The following IL5RA variants were observed in gnomAD, a reference collection of about 807,000 sequenced individuals.
IL5RA encodes the protein interleukin-5 receptor subunit alpha.
In IL5RA, 49 loss-of-function variants were observed where a neutral mutation model predicts 50.0. The ratio of observed to expected loss-of-function variants is 0.98; its 90% CI spans 0.78 to 1.24. IL5RA has a LOEUF of 1.24. IL5RA is among the 50% of genes most tolerant of loss of function. IL5RA has a pLI of 0.00. For synonymous variants in IL5RA, 202 were observed against 174.0 expected (o/e 1.16, Z -1.26); for missense variants, 600 against 500.4 (o/e 1.20, Z -1.90).
intron 9 of IL5RA, among the ~76,000 whole-genome samples, chr3:3,089,090 G>A (rs975083927): frequency 6.6e-6 from 1 of 152,126 alleles, no homozygotes; most frequent in Non-Finnish European, 1.5e-5. Flanking sequence ...AACCTAGGGA[G>A]GAGGGGAGGG....
intron 9 of IL5RA, chr3:3,090,125 AT>A: frequency 7.4e-7 from 1 of 1,359,670 alleles, no homozygotes. Flanking sequence ...AAGATTATGT[AT>A]TTAGCATAGT....
intron 5 of IL5RA, among the ~76,000 whole-genome samples, chr3:3,099,576 C>G (rs1703540313): frequency 6.6e-6 from 1 of 151,952 alleles, no homozygotes; most frequent in South Asian, 2.1e-4. Context: ...CTGCAATGAA[C>G]CAAGATCATA....
intron 10 of IL5RA, among the ~76,000 whole-genome samples, chr3:3,076,157 C>T (rs558469845): frequency 6.6e-6 from 1 of 152,198 alleles, no homozygotes; most frequent in South Asian, 2.1e-4. Flanking sequence ...TGATTTTAGC[C>T]TCCCTGAGCT....
In IL5RA at chr3:3,067,710, A is replaced by T. The variant is rs1181985964; in HGVS notation, c.*2515T>A. On this transcript the variant is annotated 3_prime_UTR_variant, in exon 12 of 12. Transcript: ENST00000446632. The stretch of plus-strand genomic sequence containing the variant: ...AGTTCCCAATCCACCAAGGAGGCCA[A>T]TGGGCTACTTTGTGTTGCTCCTGAA... The T allele has an allele frequency of 6.6e-6, 1 of 152,316 alleles. No homozygotes were observed. The highest frequency in any genetic ancestry group is 1.5e-5 in the Non-Finnish European group (1 of 68,124). 9.4% of individuals were successfully genotyped at this position (152,316 alleles called of 1,614,324 possible).
chr3:3,104,950 A>G lies in IL5RA; in HGVS notation c.35T>C (p.Leu12Ser), dbSNP rs1190586339. 1.2e-6 allele frequency: 2 copies of G among 1,613,046 alleles called. No individual in the cohort carries two copies. Among genetic ancestry groups the G allele is most frequent in the Non-Finnish European group, 1.7e-6 (2 of 1,179,126 alleles). Residue 12 changes from leucine (L) to serine (S), a missense_variant, in exon 3 of 12, where the codon TTG (leucine) becomes TCG (serine). Coordinates refer to ENST00000446632, the MANE Select transcript of IL5RA (RefSeq NM_175726.4). ...AGCTTGCAGTATCTCAGTGGCCCCC[A>G]AAAGGATGAGTAATACATGCGCCAC... is the stretch of plus-strand genomic sequence containing the variant. ...IIVAHVLLILLGATEILQADL... is the reference protein window; with the variant it reads ...IIVAHVLLILSGATEILQADL...
intron 9 of IL5RA, among the ~76,000 whole-genome samples, chr3:3,080,004 C>G (rs1312052230): frequency 6.6e-6 from 1 of 151,998 alleles, no homozygotes. Flanking sequence ...TGCACTCCAG[C>G]CTGGGCTACA....
intron 5 of IL5RA, among the ~76,000 whole-genome samples, chr3:3,099,134 T>C (rs1703509599): frequency 6.6e-6 from 1 of 152,224 alleles, no homozygotes; most frequent in Non-Finnish European, 1.5e-5. Context: ...CACTGCAAGA[T>C]TGCAGACTTT....
In IL5RA at chr3:3,066,362, CAT is replaced by C. The variant is rs1466350614; in HGVS notation, c.*3861_*3862del. On this transcript the variant is annotated 3_prime_UTR_variant, in exon 12 of 12. Transcript: ENST00000446632. ...ATGTTTAATATTTCTCATTCTGAAA[CAT>C]ATTTATATTCACATCTATTACCTAC... The C allele has an allele frequency of 6.6e-6, 1 of 152,168 alleles. No homozygotes were observed. The highest frequency in any genetic ancestry group is 3.4e-3 in the Middle Eastern group (1 of 294). 9.4% of individuals were successfully genotyped at this position (152,168 alleles called of 1,614,324 possible).
At chr3:3,103,280 C>CA (rs1703742411) in intron 3 of IL5RA, among the ~76,000 whole-genome samples, 1 of 152,162 alleles carries the variant, frequency 6.6e-6, no homozygotes. Context: ...GAAATATGAA[C>CA]ATGTTACTAT....
intron 5 of IL5RA, among the ~76,000 whole-genome samples, chr3:3,101,052 G>C (rs1182731290): frequency 1.3e-5 from 2 of 151,256 alleles, no homozygotes; most frequent in East Asian, 1.9e-4. Context: ...GGAGGCGCAT[G>C]CCTATAATCC....
At position 3,104,947 on chromosome 3, in the gene IL5RA, C is replaced by T. The variant is rs1703836591; in HGVS notation, c.38G>A (p.Gly13Glu). Residue 13 changes from glycine to glutamate, a missense_variant, in exon 3 of 12, where the codon GGG (glycine) becomes GAG (glutamate). Transcript: ENST00000446632. The stretch of plus-strand genomic sequence containing the variant: ...GTCAGCTTGCAGTATCTCAGTGGCC[C>T]CCAAAAGGATGAGTAATACATGCGC... Reference protein sequence around the residue: ...IVAHVLLILLGATEILQADLL... With the variant: ...IVAHVLLILLEATEILQADLL... 2 of 1,612,734 alleles carry T rather than the reference C, an allele frequency of 1.2e-6. No individual in the cohort carries two copies. The highest frequency in any genetic ancestry group is 8.5e-7 in the Non-Finnish European group (1 of 1,179,158).
At chr3:3,070,575 CTTTTTTTTTT>C (rs71058670) in intron 11 of IL5RA, among the ~76,000 whole-genome samples, 2 of 84,902 alleles carry the variant, frequency 2.4e-5, no homozygotes, top group Admixed American at 1.4e-4. Flanking sequence ...GGATACACAT[CTTTTTTTTTT>C]TTTTTTTTTT....
chr3:3,096,493 G>C (rs1308623962), intron 7 of IL5RA, among the ~76,000 whole-genome samples: 1 of 152,020 alleles, frequency 6.6e-6, no homozygotes, highest in African/African-American at 2.4e-5. Flanking sequence ...GGATCCACTG[G>C]CTTCAGAGCC....
Position 3,104,910 on chromosome 3 carries a change from A to C in IL5RA, c.75T>G (p.Asp25Glu), listed in dbSNP as rs761519287. ...TGAATAGAAGGTCCTTACTCTTTTCATCAGGAAGTAAGTCAGCTTGCAGTA... is the reference window on the plus strand; with the variant it reads ...TGAATAGAAGGTCCTTACTCTTTTCCTCAGGAAGTAAGTCAGCTTGCAGTA... ...TEILQADLLP[D>E]EKISLLPPVN... The change falls in exon 3 of 12, where the codon GAT becomes GAG. Residue 25 changes from aspartate (D) to glutamate (E), a missense_variant. Asp to Glu is a conservative substitution (Grantham distance 45). Transcript: ENST00000446632. The C allele has an allele frequency of 6.2e-7, 1 of 1,600,246 alleles. No individual in the cohort carries two copies. Among genetic ancestry groups the C allele is most frequent in the Admixed American group, 1.7e-5 (1 of 59,954 alleles).
intron 9 of IL5RA, among the ~76,000 whole-genome samples, chr3:3,084,946 G>T (rs1331510403): frequency 1.3e-5 from 2 of 152,278 alleles, no homozygotes; most frequent in Non-Finnish European, 2.9e-5. Flanking sequence ...GCCTAGAAGG[G>T]TGATGTAGGC....
intron 9 of IL5RA, among the ~76,000 whole-genome samples, chr3:3,091,575 T>C (rs1345772138): frequency 1.3e-5 from 2 of 151,858 alleles, no homozygotes; most frequent in African/African-American, 2.4e-5. Context: ...CTACTAAAAA[T>C]ACAAAAATTA....
chr3:3,092,139 C>A lies in IL5RA; in HGVS notation c.994+85G>T, dbSNP rs1255190567. On this transcript the variant is annotated intron_variant, in intron 9 of 11. Transcript: ENST00000446632. This position sits in a 1 kb window ranked among gnomAD's most constrained non-coding sequence, Gnocchi z 4.2. ...TAGAGATATGAAACCATTTTAAGAC[C>A]CACGAGTGAACGGGTACGTTTCTGG... The A allele has an allele frequency of 9.1e-6, 14 of 1,545,154 alleles. 1 individual carries two copies. The South Asian group carries it at 1.0e-4, about 11-fold the overall frequency.
intron 9 of IL5RA, chr3:3,090,390 A>C: frequency 1.5e-6 from 1 of 664,894 alleles, no homozygotes; most frequent in Non-Finnish European, 2.7e-6. Context: ...GACCTAGTGC[A>C]ACAGTTAACG....
intron 10 of IL5RA, among the ~76,000 whole-genome samples, chr3:3,075,322 C>A (rs1559860855): frequency 6.7e-6 from 1 of 150,038 alleles, no homozygotes; most frequent in South Asian, 2.1e-4. Flanking sequence ...CCTGCCTCAG[C>A]CTCCTGAGTA....
Sources: gnomAD v4.1 joint callset for allele counts (sites outside exome capture counted in the v4.1 genomes callset) on GRCh38, gnomAD v4.1.1 for gene constraint, Gnocchi (gnomAD v3.1) non-coding constraint, MANE v1.5 for transcripts, NCBI Gene and HGNC (gene_info 2026-07-23, HGNC 2026-07-21) for gene names.